MEGF10: variants seen among roughly 807,000 people sequenced by gnomAD.
MEGF10 encodes multiple epidermal growth factor-like domains protein 10.
Under a neutral mutation model 147.5 loss-of-function variants are expected in MEGF10, and 86 were observed. That is an observed-to-expected ratio of 0.58 (90% CI 0.49 to 0.70). The LOEUF (loss-of-function observed/expected upper bound fraction) is 0.70. MEGF10 is among the 30% of genes least tolerant of loss of function. MEGF10 has a pLI of 0.00. For synonymous variants in MEGF10, 478 were observed against 525.5 expected (o/e 0.91, Z 1.24); for missense variants, 1,329 against 1,487.3 (o/e 0.89, Z 1.75).
At chr5:127,281,950 T>G in the MEGF10 span, among the ~76,000 whole-genome samples, 1 of 152,220 alleles carries the variant, frequency 6.6e-6, no homozygotes, top group African/African-American at 2.4e-5. Context: ...GGTGTCGATT[T>G]GGCCCTAAGG....
In MEGF10 at chr5:127,412,701, C is replaced by A. The variant is rs543543149; in HGVS notation, c.1130+2100C>A. On this transcript the variant is annotated intron_variant, in intron 9 of 24. Coordinates refer to ENST00000503335, the MANE Select transcript of MEGF10 (RefSeq NM_001256545.2). ...ATTAAAAAACAAACAAACAAACAAA[C>A]AAAAAAACTACTCCAAACCCAATGA... Among the ~76,000 whole-genome samples, 42 of 151,222 alleles carry A rather than the reference C, an allele frequency of 2.8e-4. No homozygotes were observed. The East Asian group carries it at 4.8e-3, about 17-fold the overall frequency.
intron 1 of MEGF10, among the ~76,000 whole-genome samples, chr5:127,312,042 G>A (rs1760310645): frequency 6.6e-6 from 1 of 152,136 alleles, no homozygotes; most frequent in Non-Finnish European, 1.5e-5. Context: ...ATTTTAATGT[G>A]TGCAAGTAGG....
intron 1 of MEGF10, among the ~76,000 whole-genome samples, chr5:127,324,643 G>C (rs76720352): frequency 6.6e-6 from 1 of 152,258 alleles, no homozygotes; most frequent in East Asian, 1.9e-4. Flanking sequence ...TTGGTCCCTT[G>C]GTTGGTTTTT....
At chr5:127,307,956 C>A (rs1035827354) in intron 1 of MEGF10, among the ~76,000 whole-genome samples, 9 of 152,072 alleles carry the variant, frequency 5.9e-5, no homozygotes, top group African/African-American at 2.2e-4. Flanking sequence ...CTGAGCAGAC[C>A]CTGTAGGAAA....
chr5:127,447,715 T>A, intron 21 of MEGF10, 31 bp downstream of exon 21: 1 of 1,613,370 alleles, frequency 6.2e-7, no homozygotes, highest in Non-Finnish European at 8.5e-7. Flanking sequence ...TCTTTGGAAG[T>A]GGGCTGGGGA....
Position 127,457,327 on chromosome 5 carries a change from G to A in MEGF10, c.*9G>A. On this transcript the variant is annotated 3_prime_UTR_variant, in exon 25 of 25. Transcript: ENST00000503335. ...GCAGCAGCAGTGAATGACACCAAAG[G>A]ACCGCTTGGTAGCCACTGGAACCCT... 5 of 1,611,002 alleles carry A rather than the reference G, an allele frequency of 3.1e-6. No homozygotes were observed. The highest frequency in any genetic ancestry group is 4.2e-6 in the Non-Finnish European group (5 of 1,179,252).
At chr5:127,427,332 T>C (rs1765235650) in intron 13 of MEGF10, among the ~76,000 whole-genome samples, 1 of 152,146 alleles carries the variant, frequency 6.6e-6, no homozygotes. Context: ...GGTTCAAGGA[T>C]GTGTTTATAC....
intron 1 of MEGF10, among the ~76,000 whole-genome samples, chr5:127,293,648 T>A (rs1272254014): frequency 6.6e-6 from 1 of 152,214 alleles, no homozygotes; most frequent in African/African-American, 2.4e-5. Flanking sequence ...GGTTTAATAG[T>A]GTATTTCTAA....
chr5:127,320,498 A>G (rs1194454655), intron 1 of MEGF10, among the ~76,000 whole-genome samples: 1 of 152,220 alleles, frequency 6.6e-6, no homozygotes, highest in Non-Finnish European at 1.5e-5. Flanking sequence ...CTAATTCAGC[A>G]TGTGGCACTT....
At chr5:127,231,382 C>G in the MEGF10 span, among the ~76,000 whole-genome samples, 2 of 152,136 alleles carry the variant, frequency 1.3e-5, no homozygotes, top group African/African-American at 4.8e-5. Context: ...CTTCCTGTGT[C>G]TTGGGCATAT....
chr5:127,442,828 C>A (rs985177359), intron 18 of MEGF10, among the ~76,000 whole-genome samples, 170 bp from the exon 19 acceptor site: 4 of 152,176 alleles, frequency 2.6e-5, no homozygotes, highest in African/African-American at 4.8e-5. Context: ...TGAGTGCCAC[C>A]ATGATTCCAG....
the MEGF10 span, among the ~76,000 whole-genome samples, chr5:127,254,080 T>A: frequency 6.6e-6 from 1 of 152,150 alleles, no homozygotes; most frequent in East Asian, 1.9e-4. Context: ...TTTCCAACAG[T>A]TTAAGCAGTT....
the MEGF10 span, among the ~76,000 whole-genome samples, chr5:127,247,347 GAA>G: frequency 5.0e-4 from 1 of 2,000 alleles, no homozygotes; most frequent in Non-Finnish European, 9.5e-4. Context: ...AGAAGAAGAA[GAA>G]GAAGAAGAAG....
rs1040283591 is a variant in MEGF10, at chr5:127,459,497, A to G, written c.*2179A>G. On this transcript the variant is annotated 3_prime_UTR_variant, in exon 25 of 25. Transcript: ENST00000503335. ...GAAATAAGACATTTTCTCCCTTTTAAAGATCATCTCTTCAGAGCTGCATGG... is the reference window on the plus strand; with the variant it reads ...GAAATAAGACATTTTCTCCCTTTTAGAGATCATCTCTTCAGAGCTGCATGG... 5.3e-5 allele frequency: 8 copies of G among 152,194 alleles called. No individual in the cohort carries two copies. Among genetic ancestry groups the G allele is most frequent in the African/African-American group, 1.9e-4 (8 of 41,452 alleles). 9.4% of individuals were successfully genotyped at this position (152,194 alleles called of 1,614,324 possible).
At chr5:127,280,822 C>T in the MEGF10 span, among the ~76,000 whole-genome samples, 2 of 152,212 alleles carry the variant, frequency 1.3e-5, no homozygotes, top group Admixed American at 1.3e-4. Context: ...AGCAACGCTG[C>T]TTATGAGACT....
chr5:127,322,405 T>C (rs1760823753), intron 1 of MEGF10, among the ~76,000 whole-genome samples: 1 of 152,174 alleles, frequency 6.6e-6, no homozygotes, highest in Non-Finnish European at 1.5e-5. Flanking sequence ...CCTATACTGC[T>C]CCATCTACCC....
chr5:127,458,936 C>T lies in MEGF10; in HGVS notation c.*1618C>T, dbSNP rs1168588681. 2 of 152,168 alleles carry T rather than the reference C, an allele frequency of 1.3e-5. No homozygotes were observed. Among genetic ancestry groups the T allele is most frequent in the African/African-American group, 4.8e-5 (2 of 41,452 alleles). The allele number at this position is 152,168 out of a possible 1,614,324, so 9.4% of individuals were successfully genotyped here. The stretch of plus-strand genomic sequence containing the variant: ...TCTGGACTGTTCCAGGCAAACCAGA[C>T]TTATCTTGCAATATGAGAATGCTGA... On this transcript the variant is annotated 3_prime_UTR_variant, in exon 25 of 25. Transcript: ENST00000503335.
chr5:127,413,353 T>C (rs370262367), intron 9 of MEGF10, among the ~76,000 whole-genome samples: 7 of 152,328 alleles, frequency 4.6e-5, no homozygotes, highest in African/African-American at 1.7e-4. Context: ...TTAACTGCTT[T>C]TGGTAATAAA....
In MEGF10 at chr5:127,433,396, G is replaced by T. The variant is rs201832505; in HGVS notation, c.1727G>T (p.Arg576Leu). The T allele has an allele frequency of 8.7e-5, 141 of 1,613,998 alleles. No individual in the cohort carries two copies. Among genetic ancestry groups the T allele is most frequent in the Admixed American group, 1.5e-4 (9 of 59,998 alleles). ...TGTGACAGCGTGTGTGCTGAGGGAC[G>T]CTGGGGCCCCAACTGCTCCCTGCCC... ...VHCDSVCAEGRWGPNCSLPCY... is the reference protein window; with the variant it reads ...VHCDSVCAEGLWGPNCSLPCY... Residue 576 changes from arginine (R) to leucine (L), a missense_variant, in exon 14 of 25, where the codon CGC becomes CTC. By Grantham distance (102) the Arg-to-Leu change is moderately radical (BLOSUM62 -2). Transcript: ENST00000503335.
Sources: gnomAD v4.1 joint callset for allele counts (sites outside exome capture counted in the v4.1 genomes callset) on GRCh38, gnomAD v4.1.1 for gene constraint, MANE v1.5 for transcripts, NCBI Gene and HGNC (gene_info 2026-07-23, HGNC 2026-07-21) for gene names.